The following SLC40A1 variants were observed in gnomAD, a reference collection of about 807,000 sequenced individuals.
The protein encoded by SLC40A1 is solute carrier family 40 member 1.
SLC40A1 carries 16 observed loss-of-function variants against 53.5 expected under a neutral mutation model. The observed-to-expected ratio is 0.30, with a 90% CI of 0.20 to 0.45. The LOEUF is 0.45. Among genes scored for constraint, SLC40A1 ranks in the 20% least tolerant of loss-of-function variants. SLC40A1 has a pLI of 1.00. For missense variants in SLC40A1, 545 were observed against 695.4 expected, an observed-to-expected ratio of 0.78 and a Z score of 2.43; for synonymous variants, 247 against 253.2, an observed-to-expected ratio of 0.98 and a Z score of 0.23.
At chr2:189,568,601 A>G (rs2031012094) in intron 5 of SLC40A1, among the ~76,000 whole-genome samples, 1 of 152,258 alleles carries the variant, frequency 6.6e-6, no homozygotes, top group Non-Finnish European at 1.5e-5. Flanking sequence ...ACATAAGCAC[A>G]CAAATATGTG....
intron 6 of SLC40A1, among the ~76,000 whole-genome samples, 191 bp downstream of exon 6, chr2:189,565,163 G>A (rs2030893428): frequency 6.6e-6 from 1 of 152,136 alleles, no homozygotes; most frequent in Non-Finnish European, 1.5e-5. Context: ...AACCCCACCA[G>A]ATTCAACCCG....
chr2:189,564,776 C>T (rs180694405), intron 6 of SLC40A1, among the ~76,000 whole-genome samples: 307 of 152,216 alleles, frequency 2.0e-3, no homozygotes, highest in Middle Eastern at 0.017. Flanking sequence ...GGAGGCAGAG[C>T]TTGCAGTGAG....
At position 189,569,575 on chromosome 2, in the gene SLC40A1, C is replaced by T. The variant is rs564672154; in HGVS notation, c.514+2140G>A. Among the ~76,000 whole-genome samples the T allele has an allele frequency of 7.9e-5, 12 of 152,288 alleles. No homozygotes were observed. In the East Asian group the frequency reaches 2.3e-3, roughly 29 times the overall value. ...TTTAACTCTGCAATAGCAGAAATGG[C>T]ACAAAAAATCCACAATTAGATACTT... On this transcript the variant is annotated intron_variant, in intron 5 of 7. Coordinates refer to ENST00000261024, the MANE Select transcript of SLC40A1 (RefSeq NM_014585.6).
intron 2 of SLC40A1, among the ~76,000 whole-genome samples, chr2:189,576,542 G>A (rs1182921213): frequency 1.3e-5 from 2 of 152,078 alleles, no homozygotes; most frequent in South Asian, 2.1e-4. Context: ...CCACCTCCCC[G>A]GGGATCATTT....
chr2:189,576,812 A>G (rs2031300199), intron 2 of SLC40A1, among the ~76,000 whole-genome samples: 1 of 151,992 alleles, frequency 6.6e-6, no homozygotes, highest in Admixed American at 6.6e-5. Flanking sequence ...CTTTTCTAAT[A>G]CTGTTGTTTC....
chr2:189,565,518 C>G lies in SLC40A1; in HGVS notation c.596G>C (p.Gly199Ala). The change falls in exon 6 of 8, where the codon GGC (glycine) becomes GCC (alanine). Residue 199 changes from glycine (G) to alanine (A), a missense_variant. By Grantham distance (60) the Gly-to-Ala change is moderately conservative. Transcript: ENST00000261024. Reference protein sequence around the residue: ...PMAVGQIMTFGSPVIGCGFIS... With the variant: ...PMAVGQIMTFASPVIGCGFIS... ...AAAGCCACAGCCGATGACTGGGGAGCCAAATGTCATAATCTGGCCAACAGC... is the reference window on the plus strand; with the variant it reads ...AAAGCCACAGCCGATGACTGGGGAGGCAAATGTCATAATCTGGCCAACAGC... 2 of 1,614,196 alleles carry G rather than the reference C, an allele frequency of 1.2e-6. No homozygotes were observed. Among genetic ancestry groups the G allele is most frequent in the Non-Finnish European group, 1.7e-6 (2 of 1,180,038 alleles).
At chr2:189,578,686 C>T (rs1190473427) in intron 2 of SLC40A1, among the ~76,000 whole-genome samples, 1 of 152,196 alleles carries the variant, frequency 6.6e-6, no homozygotes, top group African/African-American at 2.4e-5. Flanking sequence ...TTAGCATCAT[C>T]AGCTGTTGGA....
In SLC40A1 at chr2:189,560,976, T is replaced by A. The variant is rs1040980769; in HGVS notation, c.*902A>T. 3.3e-5 allele frequency: 5 copies of A among 152,218 alleles called. No individual in the cohort carries two copies. Among genetic ancestry groups the A allele is most frequent in the African/African-American group, 7.2e-5 (3 of 41,456 alleles). The allele number at this position is 152,218 out of a possible 1,614,324, so 9.4% of individuals were successfully genotyped here. On this transcript the variant is annotated 3_prime_UTR_variant, in exon 8 of 8. Transcript: ENST00000261024. ...CCTGAGTGTGTTAAATCAAGTGATTTGTAAAACAAAACCTTCACAAGTGTG... is the reference window on the plus strand; with the variant it reads ...CCTGAGTGTGTTAAATCAAGTGATTAGTAAAACAAAACCTTCACAAGTGTG...
At chr2:189,566,169 A>G (rs2030934313) in intron 5 of SLC40A1, among the ~76,000 whole-genome samples, 2 of 152,336 alleles carry the variant, frequency 1.3e-5, no homozygotes, top group South Asian at 4.1e-4. Context: ...AGGCGAGGTC[A>G]GAGGACTCAC....
rs2030917615 is a variant in SLC40A1, at chr2:189,565,652, A to C, written c.515-53T>G. 1.1e-5 allele frequency: 18 copies of C among 1,610,792 alleles called. No homozygotes were observed. In the South Asian group the frequency reaches 1.9e-4, roughly 17 times the overall value. ...AAGTGTGCAAACCCATCAAAGAGAG[A>C]CTGCCCATTTACACAATACAAAGCT... is the stretch of plus-strand genomic sequence containing the variant. On this transcript the variant is annotated intron_variant, in intron 5 of 7. Transcript: ENST00000261024.
intron 5 of SLC40A1, among the ~76,000 whole-genome samples, chr2:189,570,526 G>A (rs1467359745): frequency 5.3e-5 from 8 of 152,304 alleles, no homozygotes; most frequent in Non-Finnish European, 8.8e-5. Flanking sequence ...AGGAAGAAAA[G>A]TAAATGAGAA....
At chr2:189,563,290 A>G (rs1176331121) in intron 7 of SLC40A1, among the ~76,000 whole-genome samples, 1 of 137,024 alleles carries the variant, frequency 7.3e-6, no homozygotes, top group East Asian at 2.0e-4. Context: ...AAAAAAAAAC[A>G]AAAAAAAAAA....
intron 6 of SLC40A1, among the ~76,000 whole-genome samples, chr2:189,565,040 C>T (rs1477055444): frequency 1.3e-5 from 2 of 151,946 alleles, no homozygotes; most frequent in Non-Finnish European, 1.5e-5. Context: ...CTCTTTTTTT[C>T]CCCACATTTT....
In SLC40A1 at chr2:189,572,672, C is replaced by T. The variant is rs917514560; in HGVS notation, c.387+174G>A. The stretch of plus-strand genomic sequence containing the variant: ...AATTCAAACAATACTTAATGAGTGC[C>T]TGTTGTGGGCAAAACAACAACAAAA... On this transcript the variant is annotated intron_variant, in intron 4 of 7. Transcript: ENST00000261024. 3.8e-5 allele frequency: 24 copies of T among 632,696 alleles called. No homozygotes were observed. In the African/African-American group the frequency reaches 4.1e-4, roughly 11 times the overall value. 39.2% of individuals were successfully genotyped at this position (632,696 alleles called of 1,614,324 possible).
chr2:189,571,368 G>A (rs1175663121), intron 5 of SLC40A1, among the ~76,000 whole-genome samples: 2 of 151,650 alleles, frequency 1.3e-5, no homozygotes, highest in Admixed American at 6.6e-5. Context: ...ACATTCATAG[G>A]TATGACCAGT....
Position 189,561,189 on chromosome 2 carries a change from A to C in SLC40A1, c.*689T>G, listed in dbSNP as rs1373634876. The stretch of plus-strand genomic sequence containing the variant: ...TATGCAGTCATTGTGTGATAAATCT[A>C]CTTTACAGCTTTGCTTCTACCTGCA... On this transcript the variant is annotated 3_prime_UTR_variant, in exon 8 of 8. Transcript: ENST00000261024. 1 of 152,254 alleles carries C rather than the reference A, an allele frequency of 6.6e-6. No homozygotes were observed. Among genetic ancestry groups the C allele is most frequent in the African/African-American group, 2.4e-5 (1 of 41,450 alleles). 9.4% of individuals were successfully genotyped at this position (152,254 alleles called of 1,614,324 possible).
At position 189,562,138 on chromosome 2, in the gene SLC40A1, C is replaced by G. The variant is rs2030759686; in HGVS notation, c.1456G>C (p.Glu486Gln). The G allele has an allele frequency of 6.2e-7, 1 of 1,613,736 alleles. No homozygotes were observed. Reference protein sequence around the residue: ...VTQLLQENVIESERGIINGVQ... With the variant: ...VTQLLQENVIQSERGIINGVQ... ...CCATTTATAATGCCTCTTTCAGATT[C>G]AATTACATTTTCTTGCAGCAACTGT... Residue 486 changes from glutamate (E) to glutamine (Q), a missense_variant, in exon 8 of 8, where the codon GAA (glutamate) becomes CAA (glutamine). Physicochemically the swap from Glu to Gln is conservative, Grantham distance 29. Transcript: ENST00000261024.
chr2:189,571,458 G>T (rs2105627807), intron 5 of SLC40A1, among the ~76,000 whole-genome samples: 1 of 148,344 alleles, frequency 6.7e-6, no homozygotes, highest in African/African-American at 2.5e-5. Flanking sequence ...AAAAAAAAAA[G>T]AGGAAAGAAA....
In SLC40A1 at chr2:189,561,803, T is replaced by C; in HGVS notation, c.*75A>G. On this transcript the variant is annotated 3_prime_UTR_variant, in exon 8 of 8. Coordinates refer to ENST00000261024, the MANE Select transcript of SLC40A1 (RefSeq NM_014585.6). ...ACAGAGCAAAACACCCAGCCATTTA[T>C]TGGAATTCTGCAGTACAAAATAAGC... 3 of 1,283,878 alleles carry C rather than the reference T, an allele frequency of 2.3e-6. No individual in the cohort carries two copies. Among genetic ancestry groups the C allele is most frequent in the African/African-American group, 1.5e-5 (1 of 68,318 alleles). 79.5% of individuals were successfully genotyped at this position (1,283,878 alleles called of 1,614,324 possible).
Sources: gnomAD v4.1 joint callset for allele counts (sites outside exome capture counted in the v4.1 genomes callset) on GRCh38, gnomAD v4.1.1 for gene constraint, MANE v1.5 for transcripts, NCBI Gene and HGNC (gene_info 2026-07-23, HGNC 2026-07-21) for gene names.